MYT1L: variants seen among roughly 807,000 people sequenced by gnomAD.
MYT1L encodes myelin transcription factor 1-like protein.
Under a neutral mutation model 126.7 loss-of-function variants are expected in MYT1L, and 12 were observed. That is an observed-to-expected ratio of 0.09 (90% confidence interval 0.06 to 0.15). The LOEUF (loss-of-function observed/expected upper bound fraction) is 0.15, where lower values mean the gene tolerates loss of function less well. MYT1L is among the 10% of genes least tolerant of loss of function. MYT1L has a pLI of 1.00. For missense variants in MYT1L, 979 were observed against 1,585.2 expected (o/e 0.62, Z 6.49); for synonymous variants, 541 against 604.2 (o/e 0.90, Z 1.53).
At chr2:2,004,507 C>T (rs1189054291) in intron 4 of MYT1L, among the ~76,000 whole-genome samples, 1 of 147,718 alleles carries the variant, frequency 6.8e-6, no homozygotes, top group East Asian at 2.0e-4. Context: ...GCATTCTTTC[C>T]TGCAGGCATT....
At chr2:2,126,318 T>G (rs935124568) in intron 3 of MYT1L, among the ~76,000 whole-genome samples, 15 of 152,332 alleles carry the variant, frequency 9.8e-5, no homozygotes, top group African/African-American at 3.4e-4. Flanking sequence ...TGCACTAGAA[T>G]TGTTCCAAAT....
At chr2:2,143,276 C>G (rs888416436) in intron 3 of MYT1L, among the ~76,000 whole-genome samples, 2 of 139,232 alleles carry the variant, frequency 1.4e-5, no homozygotes, top group African/African-American at 2.7e-5. Context: ...GGCGACAGAG[C>G]GAGACTCCGT....
intron 4 of MYT1L, among the ~76,000 whole-genome samples, chr2:2,030,188 C>A (rs2066077739): frequency 6.6e-6 from 1 of 152,146 alleles, no homozygotes; most frequent in African/African-American, 2.4e-5. Flanking sequence ...ACCTGTGCCT[C>A]CTGGGTTCAA....
chr2:2,301,840 A>C (rs2095791481), intron 1 of MYT1L, among the ~76,000 whole-genome samples: 10 of 151,902 alleles, frequency 6.6e-5, no homozygotes, highest in Admixed American at 6.6e-4. Flanking sequence ...AAAAAAAAAA[A>C]AAAAAGAAGA....
intron 4 of MYT1L, among the ~76,000 whole-genome samples, chr2:2,004,715 C>CAT (rs2062978068): frequency 6.9e-6 from 1 of 145,078 alleles, no homozygotes; most frequent in African/African-American, 2.7e-5. Flanking sequence ...GCCTTTCCTG[C>CAT]GTGCCTTCTT....
chr2:2,237,033 C>T (rs930417988), intron 2 of MYT1L, among the ~76,000 whole-genome samples: 7 of 152,040 alleles, frequency 4.6e-5, no homozygotes, highest in Middle Eastern at 3.2e-3. Flanking sequence ...AGGTTGGTCT[C>T]GAACTCCCGA....
chr2:1,936,106 A>T (rs965616148), intron 9 of MYT1L, among the ~76,000 whole-genome samples: 3 of 152,104 alleles, frequency 2.0e-5, no homozygotes, highest in African/African-American at 7.2e-5. Flanking sequence ...TATTTTTAGT[A>T]GAGACAGGGT....
intron 3 of MYT1L, among the ~76,000 whole-genome samples, chr2:2,131,512 G>A (rs536542616): frequency 3.9e-5 from 6 of 152,206 alleles, no homozygotes; most frequent in South Asian, 4.1e-4. Context: ...ATTGATAAAT[G>A]TGATGCCCAC....
intron 2 of MYT1L, among the ~76,000 whole-genome samples, chr2:2,180,702 G>T (rs573354135): frequency 7.7e-4 from 117 of 151,730 alleles, no homozygotes; most frequent in African/African-American, 2.7e-3. Context: ...ACCTGTATGT[G>T]CACCTGTATC....
At chr2:1,880,914 G>A (rs1282770028) in intron 18 of MYT1L, among the ~76,000 whole-genome samples, 4 of 152,216 alleles carry the variant, frequency 2.6e-5, no homozygotes, top group East Asian at 1.9e-4. Flanking sequence ...AGACAATGGC[G>A]AGGCATAAAC....
At chr2:1,956,437 TCTAC>T (rs1204124638) in intron 8 of MYT1L, among the ~76,000 whole-genome samples, 2,548 of 68,718 alleles carry the variant, frequency 0.037, 561 homozygotes, top group African/African-American at 0.2. Context: ...TATCTATCTA[TCTAC>T]CTATCATCTA....
At chr2:1,919,887 C>A (rs1042234487) in intron 10 of MYT1L, among the ~76,000 whole-genome samples, 1 of 152,118 alleles carries the variant, frequency 6.6e-6, no homozygotes, top group Non-Finnish European at 1.5e-5. Flanking sequence ...CACCACCACG[C>A]CCGGCTGACT....
At chr2:2,089,511 G>T (rs1318049258) in intron 3 of MYT1L, among the ~76,000 whole-genome samples, 1 of 152,208 alleles carries the variant, frequency 6.6e-6, no homozygotes, top group Non-Finnish European at 1.5e-5. Flanking sequence ...CTGTTGAGAG[G>T]TGGGATCTAG....
chr2:1,815,098 A>C (rs2037408941), intron 21 of MYT1L, among the ~76,000 whole-genome samples: 1 of 152,234 alleles, frequency 6.6e-6, no homozygotes, highest in African/African-American at 2.4e-5. Flanking sequence ...TTAAACCAGA[A>C]CCATGAAAGG....
At chr2:2,305,907 G>GT (rs2095851273) in intron 1 of MYT1L, 1 of 152,178 alleles carries the variant, frequency 6.6e-6, no homozygotes. Flanking sequence ...TGAGAGTTGG[G>GT]TGGGGACACA....
intron 9 of MYT1L, among the ~76,000 whole-genome samples, chr2:1,942,298 G>A (rs1165358829): frequency 1.3e-5 from 2 of 152,174 alleles, no homozygotes; most frequent in African/African-American, 4.8e-5. Flanking sequence ...GGACATGAAA[G>A]CCATGTCACC....
At chr2:2,192,757 T>C (rs112625321) in intron 2 of MYT1L, among the ~76,000 whole-genome samples, 1,779 of 152,120 alleles carry the variant, frequency 0.012, 17 homozygotes, top group Non-Finnish European at 0.016. Flanking sequence ...AGGACTGCAA[T>C]TGGGGGACGG....
intron 2 of MYT1L, among the ~76,000 whole-genome samples, chr2:2,216,554 G>A (rs926398995): frequency 2.6e-5 from 4 of 152,126 alleles, no homozygotes; most frequent in African/African-American, 4.8e-5. Context: ...CATTAAATGC[G>A]TATATCAGAA....
At chr2:1,797,590 C>T (rs1307150414) in intron 23 of MYT1L, among the ~76,000 whole-genome samples, 9 of 152,180 alleles carry the variant, frequency 5.9e-5, no homozygotes. Context: ...TTCAAGCTGC[C>T]AAGCATAAGA....
Sources: gnomAD v4.1 joint callset for allele counts (sites outside exome capture counted in the v4.1 genomes callset) on GRCh38, gnomAD v4.1.1 for gene constraint, MANE v1.5 for transcripts, NCBI Gene and HGNC (gene_info 2026-07-23, HGNC 2026-07-21) for gene names.